Variants in PBX3 observed in about 807,000 individuals in gnomAD.
The protein encoded by PBX3 is PBX homeobox 3.
Under a neutral mutation model 48.5 loss-of-function variants are expected in PBX3, and 14 were observed. The observed-to-expected ratio is 0.29, with a 90% confidence interval of 0.19 to 0.45. The LOEUF is 0.45. Ranked by LOEUF, PBX3 falls within the 20% of genes least tolerant of loss-of-function variation. PBX3 has a pLI of 1.00. For missense variants in PBX3, 386 were observed against 546.7 expected (o/e 0.71, Z 2.93); for synonymous variants, 210 against 200.3 (o/e 1.05, Z -0.41).
At chr9:125,961,389 T>C (rs1242997837) in intron 6 of PBX3, among the ~76,000 whole-genome samples, 1 of 152,232 alleles carries the variant, frequency 6.6e-6, no homozygotes, top group East Asian at 1.9e-4. Flanking sequence ...GCATGCAAGA[T>C]TCTTGGATCC....
At chr9:125,811,437 C>G (rs1838287152) in intron 2 of PBX3, among the ~76,000 whole-genome samples, 1 of 152,012 alleles carries the variant, frequency 6.6e-6, no homozygotes, top group Admixed American at 6.5e-5. Flanking sequence ...GGTGGTTCCC[C>G]CATCCTGTTC....
intron 5 of PBX3, 102 bp from the exon 6 acceptor site, chr9:125,960,580 TTG>T (rs1842406575): frequency 4.2e-6 from 4 of 959,078 alleles, no homozygotes; most frequent in Non-Finnish European, 4.9e-6. Flanking sequence ...AGGCTAGGAA[TTG>T]TGTGTCTCCC....
At chr9:125,841,443 C>T (rs182251519) in intron 2 of PBX3, among the ~76,000 whole-genome samples, 2 of 152,216 alleles carry the variant, frequency 1.3e-5, no homozygotes, top group Admixed American at 6.5e-5. Context: ...TTGTCTTGAA[C>T]TTGTGATGTG....
intron 2 of PBX3, among the ~76,000 whole-genome samples, chr9:125,798,693 A>G (rs1837853838): frequency 6.6e-6 from 1 of 152,102 alleles, no homozygotes. Context: ...TTGTTTCATT[A>G]TATCATGCCC....
intron 3 of PBX3, among the ~76,000 whole-genome samples, chr9:125,917,513 A>G (rs1564172461): frequency 6.6e-6 from 1 of 152,048 alleles, no homozygotes; most frequent in Non-Finnish European, 1.5e-5. Context: ...TGCCCTAAAG[A>G]TCCTCTGTGC....
chr9:125,929,573 T>G, intron 3 of PBX3, 82 bp from the exon 4 acceptor site: 11 of 932,350 alleles, frequency 1.2e-5, no homozygotes, highest in Non-Finnish European at 1.8e-5. Flanking sequence ...TGAATGCAAA[T>G]GAGGTGTAAA....
intron 2 of PBX3, among the ~76,000 whole-genome samples, chr9:125,763,563 C>T (rs551362023): frequency 6.6e-6 from 1 of 152,250 alleles, no homozygotes; most frequent in South Asian, 2.1e-4. Flanking sequence ...GGATAAAGGC[C>T]TCTAACACTG....
At chr9:125,812,469 A>G (rs879121240) in intron 2 of PBX3, among the ~76,000 whole-genome samples, 1 of 152,156 alleles carries the variant, frequency 6.6e-6, no homozygotes, top group Non-Finnish European at 1.5e-5. Flanking sequence ...TTTCTTTTCC[A>G]TTTACAGACT....
chr9:125,864,198 G>A (rs1303528338), intron 2 of PBX3, among the ~76,000 whole-genome samples: 3 of 152,174 alleles, frequency 2.0e-5, no homozygotes, highest in African/African-American at 7.2e-5. Context: ...AAAATTTTGT[G>A]ACTTGGAACC....
intron 1 of PBX3, 32 bp downstream of exon 1, chr9:125,747,685 T>C: frequency 3.3e-6 from 5 of 1,510,042 alleles, no homozygotes; most frequent in Non-Finnish European, 4.5e-6. Flanking sequence ...ATCTTTTGTG[T>C]GTGTGCGGGA....
At chr9:125,793,372 T>A (rs1200172655) in intron 2 of PBX3, among the ~76,000 whole-genome samples, 6 of 133,476 alleles carry the variant, frequency 4.5e-5, no homozygotes, top group African/African-American at 1.7e-4. Context: ...AAAAAATATA[T>A]ATATATATAT....
chr9:125,953,779 C>T (rs183006401), intron 5 of PBX3, among the ~76,000 whole-genome samples: 1,701 of 91,996 alleles, frequency 0.018, 45 homozygotes, highest in African/African-American at 0.042. Flanking sequence ...AAAGTCTTTA[C>T]GCATACCCAG....
At chr9:125,815,827 T>C (rs1838443648) in intron 2 of PBX3, among the ~76,000 whole-genome samples, 2 of 152,102 alleles carry the variant, frequency 1.3e-5, no homozygotes, top group Admixed American at 6.6e-5. Context: ...CCTCTGTCAG[T>C]CTTTGCTGGG....
intron 5 of PBX3, among the ~76,000 whole-genome samples, chr9:125,950,725 ACCCACTTCTGCTT>A (rs1370622432): frequency 1.3e-5 from 2 of 151,912 alleles, no homozygotes; most frequent in African/African-American, 4.8e-5. Context: ...CAGGTGATCC[ACCCACTTCTGCTT>A]CCCAAAGTGT....
At chr9:125,793,357 G>GAAAAA (rs374195121) in intron 2 of PBX3, among the ~76,000 whole-genome samples, 86 of 109,036 alleles carry the variant, frequency 7.9e-4, no homozygotes, top group Non-Finnish European at 7.3e-4. Flanking sequence ...ATTTGGGGGG[G>GAAAAA]AAAAAAAAAA....
intron 2 of PBX3, among the ~76,000 whole-genome samples, chr9:125,889,990 C>T (rs1840602437): frequency 1.3e-5 from 2 of 151,988 alleles, no homozygotes; most frequent in Admixed American, 1.3e-4. Flanking sequence ...TAGCCGGCTG[C>T]GGCCGAGAGA....
intron 2 of PBX3, among the ~76,000 whole-genome samples, chr9:125,780,553 G>C (rs374279896): frequency 0.01 from 1,267 of 122,648 alleles, 57 homozygotes; most frequent in East Asian, 0.098. Context: ...GGTGGCTGGC[G>C]AGGCAGAGGG....
intron 5 of PBX3, among the ~76,000 whole-genome samples, chr9:125,956,456 A>G (rs1342945042): frequency 1.3e-5 from 2 of 152,344 alleles, no homozygotes; most frequent in African/African-American, 2.4e-5. Flanking sequence ...TTTAAAAGCA[A>G]TTGTCAATCT....
intron 2 of PBX3, among the ~76,000 whole-genome samples, chr9:125,871,532 G>A (rs528217051): frequency 5.9e-5 from 9 of 152,262 alleles, no homozygotes; most frequent in East Asian, 3.9e-4. Flanking sequence ...GTAGAATGTT[G>A]AATGAAAGAG....
Sources: allele counts gnomAD v4.1 joint callset (sites outside exome capture counted in the v4.1 genomes callset), GRCh38; gene constraint gnomAD v4.1.1; transcripts MANE v1.5; gene names NCBI Gene and HGNC (gene_info 2026-07-23, HGNC 2026-07-21).